The following FHIT variants were observed in gnomAD, a reference collection of about 807,000 sequenced individuals.
FHIT encodes the protein bis(5'-adenosyl)-triphosphatase.
FHIT carries 19 observed loss-of-function variants against 17.9 expected under a neutral mutation model. The observed-to-expected ratio is 1.06, with a 90% confidence interval of 0.74 to 1.56. FHIT has a LOEUF of 1.56. Ranked by LOEUF, FHIT falls within the 40% of genes most tolerant of loss-of-function variation. The probability of loss-of-function intolerance (pLI) is 0.00; values close to 1 mark genes in which losing one functional copy is unlikely to be tolerated. For synonymous variants in FHIT, 81 were observed against 69.7 expected (o/e 1.16, Z -0.81); for missense variants, 248 against 189.2 (o/e 1.31, Z -1.82).
intron 5 of FHIT, among the ~76,000 whole-genome samples, chr3:60,421,598 T>C (rs1408729795): frequency 6.6e-5 from 10 of 152,104 alleles, no homozygotes; most frequent in Admixed American, 6.5e-4. Flanking sequence ...TTTTGTTAGG[T>C]ATTCCATTTA....
In FHIT at chr3:60,527,752, G is replaced by A. The variant is rs532766252; in HGVS notation, c.103+9108C>T. Among the ~76,000 whole-genome samples, 21 of 152,296 alleles carry A rather than the reference G, an allele frequency of 1.4e-4. No individual in the cohort carries two copies. The Middle Eastern group carries it at 0.014, about 99-fold the overall frequency. On this transcript the variant is annotated intron_variant, in intron 5 of 9. Transcript: ENST00000492590. ...GGAAAATACAACACTAGAAAGTGGG[G>A]CTAATGGGAAAGGTTTAAACTCTAG...
At chr3:59,821,504 A>G (rs1433607777) in intron 8 of FHIT, among the ~76,000 whole-genome samples, 3 of 152,124 alleles carry the variant, frequency 2.0e-5, no homozygotes, top group Admixed American at 2.0e-4. Context: ...GAAATGCAAT[A>G]TGATTCTCTC....
At chr3:60,116,411 C>A (rs1252493222) in intron 5 of FHIT, among the ~76,000 whole-genome samples, 1 of 152,132 alleles carries the variant, frequency 6.6e-6, no homozygotes, top group African/African-American at 2.4e-5. Flanking sequence ...GATCCTCAGC[C>A]TTCAATAAAA....
rs1553671159 is a variant in FHIT, at chr3:60,606,193, A to C, written c.-17-69214T>G. ...CTAATGGATGTTTACTATAGCAAAC[A>C]TCACTTGTTCAGTTTTGGTTCCTCA... On this transcript the variant is annotated intron_variant, in intron 4 of 9. Coordinates refer to ENST00000492590, the MANE Select transcript of FHIT (RefSeq NM_002012.4). Among the ~76,000 whole-genome samples the C allele has an allele frequency of 4.6e-5, 7 of 152,060 alleles. 1 individual carries two copies. The highest frequency in any genetic ancestry group is 3.3e-4 in the Admixed American group (5 of 15,272).
chr3:61,140,022 C>CAAAAAAAAAA (rs112352685), intron 2 of FHIT, among the ~76,000 whole-genome samples: 1 of 110,034 alleles, frequency 9.1e-6, no homozygotes, highest in Non-Finnish European at 2.0e-5. Flanking sequence ...CAAGAGAAAG[C>CAAAAAAAAAA]AAAAAAAAAA....
At chr3:61,227,702 A>T (rs2040003631) in intron 1 of FHIT, among the ~76,000 whole-genome samples, 1 of 151,822 alleles carries the variant, frequency 6.6e-6, no homozygotes, top group Non-Finnish European at 1.5e-5. Context: ...TTGTTTTTGG[A>T]TCATTATTCA....
intron 5 of FHIT, among the ~76,000 whole-genome samples, chr3:60,015,023 T>A (rs1228760481): frequency 6.6e-6 from 1 of 152,222 alleles, no homozygotes; most frequent in East Asian, 1.9e-4. Context: ...CATGTGTATA[T>A]ACACACACTA....
At chr3:60,432,650 A>C (rs1374950109) in intron 5 of FHIT, among the ~76,000 whole-genome samples, 1 of 152,122 alleles carries the variant, frequency 6.6e-6, no homozygotes, top group African/African-American at 2.4e-5. Flanking sequence ...ACAATTGAGA[A>C]GGGTCATAGG....
In FHIT at chr3:60,321,674, G is replaced by C. The variant is rs568132276; in HGVS notation, c.103+215186C>G. 7.2e-4 allele frequency among the ~76,000 whole-genome samples: 109 copies of C among 152,314 alleles called. 1 individual carries two copies. The highest frequency in any genetic ancestry group is 1.4e-3 in the Non-Finnish European group (92 of 68,034). ...TATTTAAAATATGATTTCTGTCTCA[G>C]TCTATTGAAGCTGCTCTATCAAAAT... On this transcript the variant is annotated intron_variant, in intron 5 of 9. Coordinates refer to ENST00000492590, the MANE Select transcript of FHIT (RefSeq NM_002012.4).
chr3:59,927,048 T>C (rs945859420), intron 7 of FHIT, among the ~76,000 whole-genome samples: 3 of 151,976 alleles, frequency 2.0e-5, no homozygotes, highest in African/African-American at 7.3e-5. Context: ...TTATTCACAA[T>C]CACCAAAAAG....
intron 7 of FHIT, among the ~76,000 whole-genome samples, chr3:59,938,049 T>C (rs1417654516): frequency 6.6e-6 from 1 of 152,206 alleles, no homozygotes; most frequent in Non-Finnish European, 1.5e-5. Context: ...CCAGATGTGC[T>C]ACAAGTCCAT....
intron 4 of FHIT, among the ~76,000 whole-genome samples, chr3:60,726,346 A>T (rs1030193326): frequency 6.6e-6 from 1 of 152,230 alleles, no homozygotes; most frequent in Non-Finnish European, 1.5e-5. Context: ...CCAATCTGAA[A>T]ATTAGGAATC....
At chr3:59,887,381 A>G (rs1404389223) in intron 8 of FHIT, among the ~76,000 whole-genome samples, 1 of 152,184 alleles carries the variant, frequency 6.6e-6, no homozygotes, top group Non-Finnish European at 1.5e-5. Context: ...AAAGTTTCAG[A>G]ACATTGCCCT....
chr3:59,930,603 G>A (rs1351039833), intron 7 of FHIT, among the ~76,000 whole-genome samples: 2 of 152,242 alleles, frequency 1.3e-5, no homozygotes, highest in East Asian at 3.9e-4. Context: ...TTCAAACAGA[G>A]CAGCTCTGTT....
At chr3:60,613,515 T>C (rs975095134) in intron 4 of FHIT, among the ~76,000 whole-genome samples, 1 of 152,178 alleles carries the variant, frequency 6.6e-6, no homozygotes, top group Non-Finnish European at 1.5e-5. Flanking sequence ...GAAGAGTACC[T>C]TTTGCATGGA....
At chr3:60,268,125 G>A (rs1049658910) in intron 5 of FHIT, among the ~76,000 whole-genome samples, 3 of 152,050 alleles carry the variant, frequency 2.0e-5, no homozygotes, top group Non-Finnish European at 4.4e-5. Context: ...GGGCAAACAA[G>A]GTAACTACAA....
intron 5 of FHIT, among the ~76,000 whole-genome samples, chr3:60,270,479 G>C (rs1249212783): frequency 6.6e-6 from 1 of 152,192 alleles, no homozygotes; most frequent in African/African-American, 2.4e-5. Flanking sequence ...GAGGAAAGCA[G>C]TTTCCTTTCA....
intron 5 of FHIT, among the ~76,000 whole-genome samples, chr3:60,148,739 T>C (rs1700341537): frequency 6.6e-6 from 1 of 152,186 alleles, no homozygotes; most frequent in African/African-American, 2.4e-5. Context: ...TTGGGATTCT[T>C]TTAAAGCCTG....
Position 60,924,334 on chromosome 3 carries a change from C to T in FHIT, c.-110-102323G>A, listed in dbSNP as rs554736293. Among the ~76,000 whole-genome samples, 316 of 152,278 alleles carry T rather than the reference C, an allele frequency of 2.1e-3. 1 individual carries two copies. The highest frequency in any genetic ancestry group is 6.8e-3 in the Middle Eastern group (2 of 294). On this transcript the variant is annotated intron_variant, in intron 3 of 9. Transcript: ENST00000492590. ...AGTAGGGGCAGACTGACACCTCACACGGCCGGGTACTCTTCTGAGACAAAA... is the reference window on the plus strand; with the variant it reads ...AGTAGGGGCAGACTGACACCTCACATGGCCGGGTACTCTTCTGAGACAAAA...
Sources: gnomAD v4.1 joint callset for allele counts (sites outside exome capture counted in the v4.1 genomes callset) on GRCh38, gnomAD v4.1.1 for gene constraint, MANE v1.5 for transcripts, NCBI Gene and HGNC (gene_info 2026-07-23, HGNC 2026-07-21) for gene names.